The following DCP1A variants were observed in gnomAD, a reference collection of about 807,000 sequenced individuals.
DCP1A encodes mRNA-decapping enzyme 1A.
DCP1A carries 20 observed loss-of-function variants against 58.0 expected under a neutral mutation model. The ratio of observed to expected loss-of-function variants is 0.34; its 90% CI spans 0.24 to 0.50. The LOEUF (loss-of-function observed/expected upper bound fraction) is 0.50. DCP1A is among the 20% of genes least tolerant of loss of function. The pLI is 0.98. For synonymous variants in DCP1A, 285 were observed against 275.1 expected (o/e 1.04, Z -0.36); for missense variants, 613 against 712.2 (o/e 0.86, Z 1.59).
At chr3:53,329,898 A>G (rs977470614) in intron 3 of DCP1A, among the ~76,000 whole-genome samples, 7 of 152,276 alleles carry the variant, frequency 4.6e-5, no homozygotes, top group Non-Finnish European at 8.8e-5. Flanking sequence ...ACATGCACAT[A>G]AAGTAAAACA....
chr3:53,326,984 C>A (rs1034878388), intron 3 of DCP1A, among the ~76,000 whole-genome samples: 4 of 151,058 alleles, frequency 2.6e-5, no homozygotes, highest in African/African-American at 9.8e-5. Flanking sequence ...CAACCCCCCC[C>A]CCCCAACTGG....
chr3:53,311,961 A>G (rs1282225366), intron 5 of DCP1A, among the ~76,000 whole-genome samples: 1 of 151,902 alleles, frequency 6.6e-6, no homozygotes, highest in African/African-American at 2.4e-5. Flanking sequence ...TTTAAAAAAA[A>G]AAAAAGAGAG....
chr3:53,325,653 G>C (rs1708085632), intron 3 of DCP1A, among the ~76,000 whole-genome samples: 1 of 152,214 alleles, frequency 6.6e-6, no homozygotes, highest in African/African-American at 2.4e-5. Context: ...GGCCTGGCAA[G>C]TGAAAAGGCA....
intron 5 of DCP1A, among the ~76,000 whole-genome samples, chr3:53,310,266 T>G (rs1553688518): frequency 6.6e-6 from 1 of 152,274 alleles, no homozygotes; most frequent in Non-Finnish European, 1.5e-5. Context: ...ATATTCCTTT[T>G]GTAATATTGA....
chr3:53,287,593 T>C lies in DCP1A; in HGVS notation c.1736A>G (p.Asn579Ser). 5.6e-6 allele frequency: 9 copies of C among 1,609,652 alleles called. No homozygotes were observed. The highest frequency in any genetic ancestry group is 7.7e-6 in the Non-Finnish European group (9 of 1,176,060). The change falls in exon 10 of 10, where the codon AAC (asparagine) becomes AGC (serine). Residue 579 changes from asparagine (N) to serine (S), a missense_variant. Transcript: ENST00000610213. ...YLQVLTKNKD[N>S]HNL ...ATTCTGCTCCAGTCATAGGTTGTGG[T>C]TGTCTTTGTTCTTGGTCAGAACCTG...
At position 53,287,973 on chromosome 3, in the gene DCP1A, T is replaced by C. The variant is rs1706706052; in HGVS notation, c.1668+92A>G. 7 of 1,298,676 alleles carry C rather than the reference T, an allele frequency of 5.4e-6. No individual in the cohort carries two copies. In the South Asian group the frequency reaches 1.0e-4, roughly 19 times the overall value. The allele number at this position is 1,298,676 out of a possible 1,614,324, so 80.4% of individuals were successfully genotyped here. A position where few individuals can be genotyped will look rare whatever the true frequency, so the allele number is the denominator to read the frequency against. On this transcript the variant is annotated intron_variant, in intron 9 of 9. Transcript: ENST00000610213. ...CCTGGCCTCCAGCTAGTCTTTTGAA[T>C]TTACTTTATGAACTGATTCTGTAAG...
In DCP1A at chr3:53,319,471, A is replaced by C. The variant is rs782186041; in HGVS notation, c.307T>G (p.Ser103Ala). 9 of 1,550,134 alleles carry C rather than the reference A, an allele frequency of 5.8e-6. No individual in the cohort carries two copies. The East Asian group carries it at 1.9e-4, about 33-fold the overall frequency. ...PFLLYRNASLSIYSIWFYDKN... is the reference protein window; with the variant it reads ...PFLLYRNASLAIYSIWFYDKN... The stretch of plus-strand genomic sequence containing the variant: ...TCATAAAACCAGATACTATATATCG[A>C]CACTTGAAAAACAAAGGGAAAAAAA... Residue 103 changes from serine to alanine, a missense_variant and splice_region_variant, in exon 4 of 10, where the codon TCG becomes GCG. Physicochemically the swap from Ser to Ala is moderately conservative, Grantham distance 99. Coordinates refer to ENST00000610213, the MANE Select transcript of DCP1A (RefSeq NM_018403.7).
chr3:53,323,195 T>G (rs1000379307), intron 3 of DCP1A, among the ~76,000 whole-genome samples: 2 of 152,212 alleles, frequency 1.3e-5, no homozygotes, highest in Non-Finnish European at 2.9e-5. Flanking sequence ...CCAAACAGAA[T>G]CAAACTCCAA....
chr3:53,301,870 G>T (rs1054653529), intron 6 of DCP1A, among the ~76,000 whole-genome samples: 13 of 152,200 alleles, frequency 8.5e-5, no homozygotes, highest in Non-Finnish European at 1.9e-4. Flanking sequence ...TTATATATAT[G>T]ATTCCATTTA....
At chr3:53,307,981 G>A (rs1158676442) in intron 5 of DCP1A, among the ~76,000 whole-genome samples, 2 of 152,108 alleles carry the variant, frequency 1.3e-5, no homozygotes, top group African/African-American at 4.8e-5. Context: ...TTCTCTGTGA[G>A]ATGAATAGTT....
chr3:53,294,021 G>C (rs1191625997), intron 6 of DCP1A, among the ~76,000 whole-genome samples: 1 of 152,186 alleles, frequency 6.6e-6, no homozygotes, highest in Non-Finnish European at 1.5e-5. Flanking sequence ...GATGAGGCGA[G>C]CTGGCTGGGG....
chr3:53,316,596 C>CT (rs11351636), intron 4 of DCP1A, among the ~76,000 whole-genome samples: 89 of 112,300 alleles, frequency 7.9e-4, no homozygotes, highest in South Asian at 2.3e-3. Context: ...TTCTTCTTCC[C>CT]TTTTTTTTTT....
chr3:53,331,382 A>T (rs1553691264), intron 3 of DCP1A, among the ~76,000 whole-genome samples: 3 of 152,228 alleles, frequency 2.0e-5, no homozygotes, highest in African/African-American at 7.2e-5. Context: ...CATACCTAAC[A>T]GTGGTCTCTT....
chr3:53,339,080 T>G (rs1553692275), intron 3 of DCP1A, among the ~76,000 whole-genome samples: 1 of 152,134 alleles, frequency 6.6e-6, no homozygotes, highest in Admixed American at 6.6e-5. Flanking sequence ...CAGGTATAAT[T>G]ACCTGTATGC....
At chr3:53,345,849 TAA>T (rs1406292029) in intron 1 of DCP1A, among the ~76,000 whole-genome samples, 1 of 152,154 alleles carries the variant, frequency 6.6e-6, no homozygotes, top group Non-Finnish European at 1.5e-5. Flanking sequence ...AAGAAACTGG[TAA>T]TCAACTGTCT....
At chr3:53,339,099 A>T (rs548556976) in intron 3 of DCP1A, among the ~76,000 whole-genome samples, 37 of 152,300 alleles carry the variant, frequency 2.4e-4, no homozygotes, top group African/African-American at 7.7e-4. Context: ...GCATAATCAG[A>T]TACTAACTTT....
At chr3:53,311,564 A>G (rs2106833960) in intron 5 of DCP1A, among the ~76,000 whole-genome samples, 1 of 152,382 alleles carries the variant, frequency 6.6e-6, no homozygotes, top group South Asian at 2.1e-4. Flanking sequence ...GAAGAGAAAG[A>G]AAACAGTGAA....
chr3:53,291,123 G>A lies in DCP1A; in HGVS notation c.1384-267C>T, dbSNP rs117263581. Among the ~76,000 whole-genome samples the A allele has an allele frequency of 6.6e-5, 10 of 152,188 alleles. No individual in the cohort carries two copies. In the East Asian group the frequency reaches 1.9e-3, roughly 29 times the overall value. On this transcript the variant is annotated intron_variant, in intron 7 of 9. Transcript: ENST00000610213. ...AAGGGGTGTGTGCAGAGCCTTTCAG[G>A]TATCTTTAAAGAAAAACCTGAAACC...
chr3:53,283,480 CAT>C lies in DCP1A; in HGVS notation c.*4098_*4099del, dbSNP rs1172335710. 2 of 152,060 alleles carry C rather than the reference CAT, an allele frequency of 1.3e-5. No homozygotes were observed. Among genetic ancestry groups the C allele is most frequent in the Non-Finnish European group, 2.9e-5 (2 of 68,000 alleles). The allele number at this position is 152,060 out of a possible 1,614,324, so 9.4% of individuals were successfully genotyped here. On this transcript the variant is annotated 3_prime_UTR_variant, in exon 10 of 10. Coordinates refer to ENST00000610213, the MANE Select transcript of DCP1A (RefSeq NM_018403.7). ...TTTATTAAAAAAATATATTTGCAAA[CAT>C]ATAAAATTTAAGATGAAAAACGCTC...
Sources: gnomAD v4.1 joint callset for allele counts (sites outside exome capture counted in the v4.1 genomes callset) on GRCh38, gnomAD v4.1.1 for gene constraint, MANE v1.5 for transcripts, NCBI Gene and HGNC (gene_info 2026-07-23, HGNC 2026-07-21) for gene names.